MARCKS: variants seen among roughly 807,000 people sequenced by gnomAD.
The protein encoded by MARCKS is myristoylated alanine rich protein kinase C substrate.
MARCKS carries 4 observed loss-of-function variants against 6.3 expected under a neutral mutation model. The ratio of observed to expected loss-of-function variants is 0.63; its 90% CI spans 0.31 to 1.45. The LOEUF is 1.45. Ranked by LOEUF, MARCKS falls within the 40% of genes most tolerant of loss-of-function variation. The pLI is 0.07. For synonymous variants in MARCKS, 289 were observed against 236.5 expected (o/e 1.22, Z -2.04); for missense variants, 636 against 485.7 (o/e 1.31, Z -2.91).
chr6:113,860,223 G>A lies in MARCKS; in HGVS notation c.643G>A (p.Ala215Thr). ...GGCGGGCGCGGCCTCCGGGGAGCAG[G>A]CAGCGGCGCCGGGCGAGGAGGCGGC... is the stretch of plus-strand genomic sequence containing the variant. ...AEAGAASGEQ[A>T]AAPGEEAAAG... Residue 215 changes from alanine to threonine, a missense_variant, in exon 2 of 2, where the codon GCA becomes ACA. Ala to Thr is a moderately conservative substitution (Grantham distance 58, BLOSUM62 0). Transcript: ENST00000612661. The A allele has an allele frequency of 9.2e-7, 1 of 1,082,464 alleles. No homozygotes were observed. Among genetic ancestry groups the A allele is most frequent in the Non-Finnish European group, 1.1e-6 (1 of 888,446 alleles). 67.1% of individuals were successfully genotyped at this position (1,082,464 alleles called of 1,614,324 possible). A position where few individuals can be genotyped will look rare whatever the true frequency, so the allele number is the denominator to read the frequency against.
Position 113,858,178 on chromosome 6 carries a change from G to T in MARCKS, c.102+331G>T, listed in dbSNP as rs566530618. ...AGCCAGGTTTCATTTGTGTTTGGGG[G>T]CACAATGGTGTTTGGGTGTCTCTCG... On this transcript the variant is annotated intron_variant, in intron 1 of 1. Transcript: ENST00000612661. Among the ~76,000 whole-genome samples the T allele has an allele frequency of 1.4e-4, 21 of 152,220 alleles. No individual in the cohort carries two copies. In the East Asian group the frequency reaches 4.1e-3, roughly 29 times the overall value.
rs971809860 is a variant in MARCKS, at chr6:113,860,480, G to T, written c.900G>T (p.Glu300Asp). ...PPEQEAAPAE[E>D]PAAAAASSAC... is the part of the protein sequence containing the mutation. Reference sequence around the variant, plus strand: ...AGCAGGAGGCAGCCCCCGCGGAGGAGCCCGCGGCCGCCGCAGCCTCGTCAG... The same window carrying T: ...AGCAGGAGGCAGCCCCCGCGGAGGATCCCGCGGCCGCCGCAGCCTCGTCAG... Residue 300 changes from glutamate to aspartate, a missense_variant, in exon 2 of 2, where the codon GAG becomes GAT. Physicochemically the swap from Glu to Asp is conservative, Grantham distance 45. Coordinates refer to ENST00000612661, the MANE Select transcript of MARCKS (RefSeq NM_002356.7). 2.7e-6 allele frequency: 4 copies of T among 1,481,980 alleles called. No individual in the cohort carries two copies. In the Admixed American group the frequency reaches 6.7e-5, roughly 25 times the overall value. 91.8% of individuals were successfully genotyped at this position (1,481,980 alleles called of 1,614,324 possible).
rs1232891023 is a variant in MARCKS at position 113,860,067 on chromosome 6, T to G, written c.487T>G (p.Ser163Ala). Residue 163 changes from serine to alanine, a missense_variant, in exon 2 of 2, where the codon TCT becomes GCT. Transcript: ENST00000612661. ...KKKKRFSFKK[S>A]FKLSGFSFKK... is the part of the protein sequence containing the mutation. ...AAAGAAGCGCTTTTCCTTCAAGAAG[T>G]CTTTCAAGCTGAGCGGCTTCTCCTT... 2 of 1,571,894 alleles carry G rather than the reference T, an allele frequency of 1.3e-6. No individual in the cohort carries two copies. Among genetic ancestry groups the G allele is most frequent in the Non-Finnish European group, 1.7e-6 (2 of 1,161,422 alleles).
rs1056419385 is a variant in MARCKS at position 113,857,608 on chromosome 6, C to T, written c.-138C>T. 1 of 361,696 alleles carries T rather than the reference C, an allele frequency of 2.8e-6. No individual in the cohort carries two copies. Among genetic ancestry groups the T allele is most frequent in the South Asian group, 1.9e-5 (1 of 51,934 alleles). The allele number at this position is 361,696 out of a possible 1,614,324, so 22.4% of individuals were successfully genotyped here. ...GTTCTGTCCTCTCCACCACCCCCAC[C>T]CCCCTCCCTCCGGTGTGTGTGCCGC... is the stretch of plus-strand genomic sequence containing the variant. On this transcript the variant is annotated 5_prime_UTR_variant, in exon 1 of 2. Coordinates refer to ENST00000612661, the MANE Select transcript of MARCKS (RefSeq NM_002356.7).
Position 113,859,712 on chromosome 6 carries a change from C to T in MARCKS, c.132C>T (p.Asp44=), listed in dbSNP as rs1380230438. The change falls in exon 2 of 2, where the codon GAC becomes GAT. Residue 44 remains aspartate, a synonymous_variant. Coordinates refer to ENST00000612661, the MANE Select transcript of MARCKS (RefSeq NM_002356.7). ...ATGGCCACGTGAAGGTAAACGGCGACGCTTCGCCCGCGGCCGCCGAGTCGG... is the reference window on the plus strand; with the variant it reads ...ATGGCCACGTGAAGGTAAACGGCGATGCTTCGCCCGCGGCCGCCGAGTCGG... The part of the protein sequence containing the change: ...QENGHVKVNG[D]ASPAAAESGA... 6.6e-7 allele frequency: 1 copy of T among 1,504,242 alleles called. No individual in the cohort carries two copies. Among genetic ancestry groups the T allele is most frequent in the East Asian group, 2.9e-5 (1 of 34,370 alleles). The allele number at this position is 1,504,242 out of a possible 1,614,324, so 93.2% of individuals were successfully genotyped here.
At position 113,860,735 on chromosome 6, in the gene MARCKS, G is replaced by GT; in HGVS notation, c.*158dup. On this transcript the variant is annotated 3_prime_UTR_variant, in exon 2 of 2. Coordinates refer to ENST00000612661, the MANE Select transcript of MARCKS (RefSeq NM_002356.7). ...TACTTTTTTTTAAGCACCAAATTTT[G>GT]TTGTTTTTTTTTTTTCTCCCCTCCC... is the stretch of plus-strand genomic sequence containing the variant. 4.8e-6 allele frequency: 2 copies of GT among 420,046 alleles called. No individual in the cohort carries two copies. Among genetic ancestry groups the GT allele is most frequent in the Non-Finnish European group, 3.9e-6 (1 of 258,910 alleles). 26.0% of individuals were successfully genotyped at this position (420,046 alleles called of 1,614,324 possible). A position where few individuals can be genotyped will look rare whatever the true frequency, so the allele number is the denominator to read the frequency against.
At position 113,857,812 on chromosome 6, in the gene MARCKS, G is replaced by A. The variant is rs1253978308; in HGVS notation, c.67G>A (p.Ala23Thr). 7.5e-6 allele frequency: 12 copies of A among 1,607,198 alleles called. No individual in the cohort carries two copies. The highest frequency in any genetic ancestry group is 8.5e-6 in the Non-Finnish European group (10 of 1,177,214). Residue 23 changes from alanine (A) to threonine (T), a missense_variant, in exon 1 of 2, where the codon GCT (alanine) becomes ACT (threonine). Physicochemically the swap from Ala to Thr is moderately conservative, Grantham distance 58 (BLOSUM62 0). Transcript: ENST00000612661. ...EAAAERPGEA[A>T]VASSPSKANG... is the part of the protein sequence containing the mutation. ...CGCCGCGGAGAGGCCTGGGGAGGCGGCTGTGGCCTCGTCGCCTTCCAAAGC... is the reference window on the plus strand; with the variant it reads ...CGCCGCGGAGAGGCCTGGGGAGGCGACTGTGGCCTCGTCGCCTTCCAAAGC...
chr6:113,858,714 A>C (rs2114520109), intron 1 of MARCKS, among the ~76,000 whole-genome samples: 1 of 152,334 alleles, frequency 6.6e-6, no homozygotes, highest in South Asian at 2.1e-4. Context: ...CTGGGCACCC[A>C]CCACGCCTCT....
chr6:113,861,207 AC>A lies in MARCKS; in HGVS notation c.*629del, dbSNP rs1354843656. The A allele has an allele frequency of 2.0e-5, 3 of 152,418 alleles. No individual in the cohort carries two copies. The highest frequency in any genetic ancestry group is 4.4e-5 in the Non-Finnish European group (3 of 67,988). 9.4% of individuals were successfully genotyped at this position (152,418 alleles called of 1,614,324 possible). On this transcript the variant is annotated 3_prime_UTR_variant, in exon 2 of 2. Transcript: ENST00000612661. The stretch of plus-strand genomic sequence containing the variant: ...AATACCCAGATTTAAAAAAAAAAAA[AC>A]GATCATAGTCTTAGGAGTTCATTTA...
rs893602681 is a variant in MARCKS, at chr6:113,862,705, CAAATCTT to C, written c.*2130_*2136del. On this transcript the variant is annotated 3_prime_UTR_variant, in exon 2 of 2. Transcript: ENST00000612661. The stretch of plus-strand genomic sequence containing the variant: ...AACCACATGTGTAACAACTGAATGC[CAAATCTT>C]AAACTCATTAGAAAAATAACAAATT... 1 of 152,028 alleles carries C rather than the reference CAAATCTT, an allele frequency of 6.6e-6. No homozygotes were observed. Among genetic ancestry groups the C allele is most frequent in the Admixed American group, 6.6e-5 (1 of 15,266 alleles). The allele number at this position is 152,028 out of a possible 1,614,324, so 9.4% of individuals were successfully genotyped here.
At position 113,860,260 on chromosome 6, in the gene MARCKS, AG is replaced by A; in HGVS notation, c.685del (p.Ala229ArgfsTer140). ...APGEEAAAGEEGAAGGDPQEA... is the reference protein window; with the variant it reads ...APGEEAAAGEXGAAGGDPQEA... ...GGCGAGGAGGCGGCAGCGGGCGAGG[AG>A]GGGGCGGCGGGTGGCGACCCGCAGG... On this transcript the variant is annotated frameshift_variant, in exon 2 of 2. Transcript: ENST00000612661. LOFTEE classifies it low-confidence loss of function (END_TRUNC). The A allele has an allele frequency of 1.8e-6, 2 of 1,129,772 alleles. No individual in the cohort carries two copies. Among genetic ancestry groups the A allele is most frequent in the South Asian group, 4.4e-5 (2 of 45,666 alleles). 70.0% of individuals were successfully genotyped at this position (1,129,772 alleles called of 1,614,324 possible). A position where few individuals can be genotyped will look rare whatever the true frequency, so the allele number is the denominator to read the frequency against.
rs1582440880 is a variant in MARCKS at position 113,860,509 on chromosome 6, G to C, written c.929G>C (p.Cys310Ser). 1.7e-5 allele frequency: 27 copies of C among 1,544,382 alleles called. No individual in the cohort carries two copies. The highest frequency in any genetic ancestry group is 2.3e-5 in the Non-Finnish European group (26 of 1,148,960). ...GCGGCCGCCGCAGCCTCGTCAGCCT[G>C]CGCAGCCCCCTCACAGGAGGCCCAG... is the stretch of plus-strand genomic sequence containing the variant. Reference protein sequence around the residue: ...EPAAAAASSACAAPSQEAQPE... With the variant: ...EPAAAAASSASAAPSQEAQPE... Residue 310 changes from cysteine to serine, a missense_variant, in exon 2 of 2, where the codon TGC becomes TCC. Coordinates refer to ENST00000612661, the MANE Select transcript of MARCKS (RefSeq NM_002356.7).
chr6:113,860,446 C>T lies in MARCKS; in HGVS notation c.866C>T (p.Ala289Val). 1 of 1,220,640 alleles carries T rather than the reference C, an allele frequency of 8.2e-7. No individual in the cohort carries two copies. The highest frequency in any genetic ancestry group is 1.0e-6 in the Non-Finnish European group (1 of 967,612). The allele number at this position is 1,220,640 out of a possible 1,614,324, so 75.6% of individuals were successfully genotyped here. Residue 289 changes from alanine to valine, a missense_variant, in exon 2 of 2, where the codon GCG (alanine) becomes GTG (valine). Coordinates refer to ENST00000612661, the MANE Select transcript of MARCKS (RefSeq NM_002356.7). ...GCCCCCTCCGCCGCCGGGCCCGGCGCGCCCCCGGAGCAGGAGGCAGCCCCC... is the reference window on the plus strand; with the variant it reads ...GCCCCCTCCGCCGCCGGGCCCGGCGTGCCCCCGGAGCAGGAGGCAGCCCCC... ...CEAPSAAGPG[A>V]PPEQEAAPAE...
intron 1 of MARCKS, among the ~76,000 whole-genome samples, chr6:113,858,271 G>A (rs924068599): frequency 6.6e-6 from 1 of 151,892 alleles, no homozygotes; most frequent in Admixed American, 6.6e-5. Context: ...TGTGGCGGGG[G>A]GGGGAGTCGG....
rs1774887246 is a variant in MARCKS at position 113,860,687 on chromosome 6, T to C, written c.*108T>C. On this transcript the variant is annotated 3_prime_UTR_variant, in exon 2 of 2. Transcript: ENST00000612661. ...AACTTGTCTACAACCAGGGATTGAT[T>C]TTAAAGATGTCTTTTTTTATTTTAC... 2.6e-6 allele frequency: 2 copies of C among 761,270 alleles called. No individual in the cohort carries two copies. Among genetic ancestry groups the C allele is most frequent in the South Asian group, 6.0e-5 (2 of 33,562 alleles). 47.2% of individuals were successfully genotyped at this position (761,270 alleles called of 1,614,324 possible).
chr6:113,860,515 C>T lies in MARCKS; in HGVS notation c.935C>T (p.Ala312Val). The change falls in exon 2 of 2, where the codon GCC (alanine) becomes GTC (valine). Residue 312 changes from alanine to valine, a missense_variant. Ala to Val is a moderately conservative substitution (Grantham distance 64). Coordinates refer to ENST00000612661, the MANE Select transcript of MARCKS (RefSeq NM_002356.7). ...GCCGCAGCCTCGTCAGCCTGCGCAG[C>T]CCCCTCACAGGAGGCCCAGCCCGAG... is the stretch of plus-strand genomic sequence containing the variant. Reference protein sequence around the residue: ...AAAAASSACAAPSQEAQPECS... With the variant: ...AAAAASSACAVPSQEAQPECS... 3 of 1,546,120 alleles carry T rather than the reference C, an allele frequency of 1.9e-6. No individual in the cohort carries two copies. Among genetic ancestry groups the T allele is most frequent in the South Asian group, 2.4e-5 (2 of 84,816 alleles).
chr6:113,860,968 G>C lies in MARCKS; in HGVS notation c.*389G>C, dbSNP rs746183624. 2 of 136,798 alleles carry C rather than the reference G, an allele frequency of 1.5e-5. No homozygotes were observed. The highest frequency in any genetic ancestry group is 7.9e-5 in the Admixed American group (1 of 12,676). The allele number at this position is 136,798 out of a possible 1,614,324, so 8.5% of individuals were successfully genotyped here. A position where few individuals can be genotyped will look rare whatever the true frequency, so the allele number is the denominator to read the frequency against. The stretch of plus-strand genomic sequence containing the variant: ...TGCCCATATATGAAGGAGATGGGTG[G>C]GTCAAAAAGGGATATCAAATGAAGT... On this transcript the variant is annotated 3_prime_UTR_variant, in exon 2 of 2. Coordinates refer to ENST00000612661, the MANE Select transcript of MARCKS (RefSeq NM_002356.7).
Position 113,860,412 on chromosome 6 carries a change from G to T in MARCKS, c.832G>T (p.Ala278Ser). ...CGAGGAGGCCGGGGCCAGCGCCGCC[G>T]CCTGCGAGGCCCCCTCCGCCGCCGG... ...KAEEAGASAAACEAPSAAGPG... is the reference protein window; with the variant it reads ...KAEEAGASAASCEAPSAAGPG... The change falls in exon 2 of 2, where the codon GCC becomes TCC. Residue 278 changes from alanine (A) to serine (S), a missense_variant. Physicochemically the swap from Ala to Ser is moderately conservative, Grantham distance 99. Transcript: ENST00000612661. 1.7e-6 allele frequency: 2 copies of T among 1,154,114 alleles called. No homozygotes were observed. The highest frequency in any genetic ancestry group is 2.5e-5 in the South Asian group (1 of 40,386). The allele number at this position is 1,154,114 out of a possible 1,614,324, so 71.5% of individuals were successfully genotyped here. A position where few individuals can be genotyped will look rare whatever the true frequency, so the allele number is the denominator to read the frequency against.
At chr6:113,859,588 TA>T in intron 1 of MARCKS, 94 bp from the exon 2 acceptor site, 1 of 1,143,946 alleles carries the variant, frequency 8.7e-7, no homozygotes, top group Non-Finnish European at 1.1e-6. Context: ...ACAGGGGCCT[TA>T]GGGGGAAGCG....
Sources: gnomAD v4.1 joint callset for allele counts (sites outside exome capture counted in the v4.1 genomes callset) on GRCh38, gnomAD v4.1.1 for gene constraint, MANE v1.5 for transcripts, NCBI Gene and HGNC (gene_info 2026-07-23, HGNC 2026-07-21) for gene names.